The following ZFYVE9 variants were observed in gnomAD, a reference collection of about 807,000 sequenced individuals.
The protein encoded by ZFYVE9 is zinc finger FYVE-type containing 9, also known as zinc finger FYVE domain-containing protein 9.
A neutral mutation model predicts 126.7 loss-of-function variants in ZFYVE9; 43 were observed. The ratio of observed to expected loss-of-function variants is 0.34; its 90% CI spans 0.27 to 0.44. The LOEUF (loss-of-function observed/expected upper bound fraction) is 0.44, where lower values mean the gene tolerates loss of function less well. Among genes scored for constraint, ZFYVE9 ranks in the 20% least tolerant of loss-of-function variants. The pLI, the probability that ZFYVE9 is intolerant of heterozygous loss-of-function variation, is 1.00. For synonymous variants in ZFYVE9, 521 were observed against 597.4 expected, an observed-to-expected ratio of 0.87 and a Z score of 1.87; for missense variants, 1,476 against 1,697.0, an observed-to-expected ratio of 0.87 and a Z score of 2.29.
chr1:52,224,958 C>T (rs1161042142), intron 2 of ZFYVE9, among the ~76,000 whole-genome samples: 1 of 152,126 alleles, frequency 6.6e-6, no homozygotes, highest in Non-Finnish European at 1.5e-5. Context: ...ATTTTAGGTT[C>T]CTCTTAGTAT....
At chr1:52,277,008 T>TC (rs1390493258) in intron 8 of ZFYVE9, among the ~76,000 whole-genome samples, 1 of 152,242 alleles carries the variant, frequency 6.6e-6, no homozygotes, top group African/African-American at 2.4e-5. Context: ...CAGTGAACTT[T>TC]CACATACAGT....
intron 1 of ZFYVE9, among the ~76,000 whole-genome samples, chr1:52,173,036 A>C (rs1041495731): frequency 6.6e-5 from 10 of 151,000 alleles, no homozygotes; most frequent in African/African-American, 2.4e-4. Context: ...TTCCAACACT[A>C]TGTTGAATAG....
intron 7 of ZFYVE9, among the ~76,000 whole-genome samples, chr1:52,272,901 A>G (rs553026680): frequency 1.6e-4 from 24 of 152,162 alleles, no homozygotes; most frequent in African/African-American, 5.3e-4. Flanking sequence ...TCCTTAAACA[A>G]TCTGCCTTCC....
At chr1:52,248,089 G>C (rs1292336263) in intron 4 of ZFYVE9, among the ~76,000 whole-genome samples, 1 of 152,104 alleles carries the variant, frequency 6.6e-6, no homozygotes. Context: ...AACTCACATG[G>C]TTAGAAGGTG....
intron 13 of ZFYVE9, among the ~76,000 whole-genome samples, chr1:52,322,394 T>A (rs1194355880): frequency 6.8e-6 from 1 of 146,508 alleles, no homozygotes; most frequent in Non-Finnish European, 1.5e-5. Context: ...TTTTTTTTTT[T>A]TTTGAGACAG....
chr1:52,144,539 A>T (rs1572053133), intron 1 of ZFYVE9, among the ~76,000 whole-genome samples: 1 of 152,122 alleles, frequency 6.6e-6, no homozygotes, highest in East Asian at 1.9e-4. Flanking sequence ...TGATACAGTA[A>T]GTTTAAAATT....
chr1:52,149,786 C>T (rs761036901), intron 1 of ZFYVE9, among the ~76,000 whole-genome samples: 11 of 152,138 alleles, frequency 7.2e-5, no homozygotes, highest in Non-Finnish European at 1.0e-4. Context: ...AGCCACTGCC[C>T]GGCCTGTAGT....
intron 1 of ZFYVE9, among the ~76,000 whole-genome samples, chr1:52,151,833 A>G (rs1644359438): frequency 6.6e-6 from 1 of 152,016 alleles, no homozygotes; most frequent in Admixed American, 6.6e-5. Context: ...GGATTTCTAA[A>G]GTATGTTCCC....
At chr1:52,337,322 C>T (rs1045794237) in intron 15 of ZFYVE9, among the ~76,000 whole-genome samples, 45 of 152,190 alleles carry the variant, frequency 3.0e-4, no homozygotes, top group African/African-American at 1.1e-3. Flanking sequence ...ATGGATTTAT[C>T]TCCAAGCCCA....
At chr1:52,202,749 G>A (rs1413604921) in intron 1 of ZFYVE9, among the ~76,000 whole-genome samples, 1 of 151,670 alleles carries the variant, frequency 6.6e-6, no homozygotes, top group South Asian at 2.1e-4. Context: ...GCAGTGGCAC[G>A]ATCTTGGCTC....
intron 1 of ZFYVE9, chr1:52,160,458 T>C (rs1644446711): frequency 5.9e-6 from 5 of 848,654 alleles, no homozygotes; most frequent in Middle Eastern, 4.4e-4. Context: ...GTGTGACCTG[T>C]TACCAGCTGG....
chr1:52,170,579 A>ATT lies in ZFYVE9; in HGVS notation c.-143+28178_-143+28179dup, dbSNP rs534054924. ...TTTAAGATGCATCATTAGGTTATTT[A>ATT]TTTGAAGGTTTTTCTTTTTTGATGT... On this transcript the variant is annotated intron_variant, in intron 1 of 18. Transcript: ENST00000287727. Among the ~76,000 whole-genome samples the ATT allele has an allele frequency of 1.3e-5, 2 of 151,568 alleles. 1 individual carries two copies.
rs777915845 is a variant in ZFYVE9 at position 52,268,430 on chromosome 1, T to C, written c.2456-33T>C. ...TGTTAGAAAACCTTCCAATGCCACA[T>C]TGATGCCTGTTTTATTTTTCTGGCC... is the stretch of plus-strand genomic sequence containing the variant. On this transcript the variant is annotated intron_variant, in intron 6 of 18. Transcript: ENST00000287727. 6.9e-6 allele frequency: 11 copies of C among 1,599,698 alleles called. No individual in the cohort carries two copies. In the African/African-American group the frequency reaches 1.2e-4, roughly 18 times the overall value.
chr1:52,185,343 A>G (rs1644755365), intron 1 of ZFYVE9, among the ~76,000 whole-genome samples: 1 of 152,196 alleles, frequency 6.6e-6, no homozygotes, highest in African/African-American at 2.4e-5. Flanking sequence ...ATGCCACACC[A>G]TGCTAAAAGA....
chr1:52,252,800 G>A, intron 4 of ZFYVE9: 1 of 381,420 alleles, frequency 2.6e-6, no homozygotes. Flanking sequence ...TGCACCAGGA[G>A]CATGGCTCAT....
chr1:52,238,726 G>A lies in ZFYVE9; in HGVS notation c.1309G>A (p.Gly437Arg). ...TGAGGACACTAATGGTGATAGTGGA[G>A]GACAGTGTGTTGGATTGGCAGATGC... is the stretch of plus-strand genomic sequence containing the variant. ...QPEDTNGDSG[G>R]QCVGLADAGL... Residue 437 changes from glycine to arginine, a missense_variant, in exon 4 of 19, where the codon GGA becomes AGA. Around this residue, in one of 2 missense-constraint regions of ZFYVE9, gnomAD observed 807 missense variants for 794.6 expected, o/e 1.02. Coordinates refer to ENST00000287727, the MANE Select transcript of ZFYVE9 (RefSeq NM_004799.4). 6.2e-7 allele frequency: 1 copy of A among 1,614,126 alleles called. No homozygotes were observed. Among genetic ancestry groups the A allele is most frequent in the Non-Finnish European group, 8.5e-7 (1 of 1,179,976 alleles).
chr1:52,148,229 C>G (rs1371329939), intron 1 of ZFYVE9, among the ~76,000 whole-genome samples: 2 of 152,040 alleles, frequency 1.3e-5, no homozygotes, highest in Non-Finnish European at 2.9e-5. Flanking sequence ...AATCCCAGCA[C>G]TTTGGGAGGC....
intron 1 of ZFYVE9, among the ~76,000 whole-genome samples, chr1:52,182,529 G>T (rs1363459352): frequency 6.6e-6 from 1 of 152,076 alleles, no homozygotes; most frequent in Non-Finnish European, 1.5e-5. Flanking sequence ...GATGTGCTTT[G>T]TTAAACAGAT....
At chr1:52,213,805 C>G (rs543299390) in intron 1 of ZFYVE9, among the ~76,000 whole-genome samples, 13 of 152,136 alleles carry the variant, frequency 8.5e-5, no homozygotes, top group African/African-American at 3.1e-4. Context: ...GGTCTTCAAA[C>G]TGAAGACGCA....
Sources: gnomAD v4.1 joint callset for allele counts (sites outside exome capture counted in the v4.1 genomes callset) on GRCh38, gnomAD v4.1.1 for gene constraint, gnomAD v4.1.1 regional missense constraint, MANE v1.5 for transcripts, NCBI Gene and HGNC (gene_info 2026-07-23, HGNC 2026-07-21) for gene names.